BICRA: variants seen among roughly 807,000 people sequenced by gnomAD.
BICRA encodes BRD4 interacting chromatin remodeling complex associated protein.
BICRA carries 31 observed loss-of-function variants against 96.9 expected under a neutral mutation model. That is an observed-to-expected ratio of 0.32 (90% CI 0.24 to 0.43). The LOEUF (loss-of-function observed/expected upper bound fraction) is 0.43, where lower values mean the gene tolerates loss of function less well. BICRA is among the 20% of genes least tolerant of loss of function. BICRA has a pLI of 1.00. For synonymous variants in BICRA, 1,350 were observed against 1,071.8 expected (o/e 1.26, Z -5.07); for missense variants, 2,283 against 2,190.3 (o/e 1.04, Z -0.84).
chr19:47,680,846 T>A lies in BICRA; in HGVS notation c.1676T>A (p.Val559Glu), dbSNP rs1973036906. ...CAGCCTGCGCTCTTCCAGATGCCCG[T>A]GTCGCTGGCGGCGGGCAGCCTGCCC... Reference protein sequence around the residue: ...VGQPALFQMPVSLAAGSLPTQ... With the variant: ...VGQPALFQMPESLAAGSLPTQ... Residue 559 changes from valine to glutamate, a missense_variant, in exon 6 of 15, where the codon GTG becomes GAG. By Grantham distance (121) the Val-to-Glu change is moderately radical. Transcript: ENST00000594866. 2 of 1,585,240 alleles carry A rather than the reference T, an allele frequency of 1.3e-6. No individual in the cohort carries two copies. Among genetic ancestry groups the A allele is most frequent in the Non-Finnish European group, 1.7e-6 (2 of 1,172,256 alleles).
In BICRA at chr19:47,702,443, C is replaced by A. The variant is rs1223279619; in HGVS notation, c.*28C>A. 6.9e-7 allele frequency: 1 copy of A among 1,453,654 alleles called. No individual in the cohort carries two copies. The highest frequency in any genetic ancestry group is 1.4e-5 in the South Asian group (1 of 71,456). The allele number at this position is 1,453,654 out of a possible 1,614,324, so 90.0% of individuals were successfully genotyped here. On this transcript the variant is annotated 3_prime_UTR_variant, in exon 15 of 15. Transcript: ENST00000594866. ...CCGGGCCGCCTCCCCTTCCCCGTCC[C>A]CTCCTCCCGAAGACGCCGGGACAGT...
intron 10 of BICRA, 58 bp from the exon 11 acceptor site, chr19:47,696,393 G>T (rs562948628): frequency 1.3e-5 from 19 of 1,493,292 alleles, no homozygotes; most frequent in Non-Finnish European, 1.7e-5. Flanking sequence ...GGGGAAGCTG[G>T]TCGGGGGAGG....
intron 1 of BICRA, among the ~76,000 whole-genome samples, chr19:47,655,681 C>T (rs987775936): frequency 1.4e-5 from 2 of 147,708 alleles, no homozygotes; most frequent in Non-Finnish European, 3.0e-5. Context: ...GGTGAAACCC[C>T]ATCTCTACTA....
At chr19:47,624,094 G>A (rs1479617609) in intron 1 of BICRA, among the ~76,000 whole-genome samples, 1 of 151,902 alleles carries the variant, frequency 6.6e-6, no homozygotes, top group Non-Finnish European at 1.5e-5. Context: ...CAGATGATCC[G>A]CCCACCTCTG....
intron 1 of BICRA, among the ~76,000 whole-genome samples, chr19:47,658,651 AAAG>A (rs1972657557): frequency 6.8e-6 from 1 of 146,090 alleles, no homozygotes; most frequent in Non-Finnish European, 1.5e-5. Context: ...AAAAAAAAAA[AAAG>A]CAGCAGCAGC....
intron 1 of BICRA, among the ~76,000 whole-genome samples, chr19:47,664,814 G>T (rs1202579465): frequency 6.6e-6 from 1 of 152,234 alleles, no homozygotes; most frequent in African/African-American, 2.4e-5. Context: ...GAACTCAGGG[G>T]AACTATGTGA....
rs1230195898 is a variant in BICRA, at chr19:47,680,326, G to A, written c.1156G>A (p.Ala386Thr). 3 of 1,538,642 alleles carry A rather than the reference G, an allele frequency of 1.9e-6. No homozygotes were observed. The highest frequency in any genetic ancestry group is 1.2e-5 in the South Asian group (1 of 84,098). ...GCTCACCATCCAGGGCGAGCCGGGG[G>A]CGCTCCCGCAGCAGCCCAAGGCCCC... ...ATLTIQGEPG[A>T]LPQQPKAPQN... The change falls in exon 6 of 15, where the codon GCG (alanine) becomes ACG (threonine). Residue 386 changes from alanine to threonine, a missense_variant. Ala to Thr is a moderately conservative substitution (Grantham distance 58). Transcript: ENST00000594866.
chr19:47,667,290 C>G (rs948923694), intron 1 of BICRA, among the ~76,000 whole-genome samples: 1 of 152,232 alleles, frequency 6.6e-6, no homozygotes, highest in African/African-American at 2.4e-5. Flanking sequence ...GCTGGGATTA[C>G]AGGCGTGAGC....
intron 1 of BICRA, among the ~76,000 whole-genome samples, chr19:47,661,161 C>T (rs1224059023): frequency 6.8e-6 from 1 of 147,532 alleles, no homozygotes; most frequent in African/African-American, 2.5e-5. Flanking sequence ...TTGCAGTGAG[C>T]TGAAATCACG....
chr19:47,629,809 C>A (rs1023626677), intron 1 of BICRA, among the ~76,000 whole-genome samples: 4 of 152,138 alleles, frequency 2.6e-5, no homozygotes, highest in Non-Finnish European at 5.9e-5. Flanking sequence ...AGGCACCCAC[C>A]ACCATACCCA....
intron 7 of BICRA, 92 bp downstream of exon 7, chr19:47,682,244 C>T (rs948328759): frequency 9.9e-6 from 6 of 607,522 alleles, no homozygotes; most frequent in Admixed American, 6.0e-5. Context: ...GCCCTGCCTG[C>T]GTCTCTGTTC....
At chr19:47,618,072 T>A (rs1972010999) in intron 1 of BICRA, among the ~76,000 whole-genome samples, 1 of 152,362 alleles carries the variant, frequency 6.6e-6, no homozygotes, top group Admixed American at 6.5e-5. Flanking sequence ...GAATTCCCTG[T>A]CTTGGCCACA....
intron 14 of BICRA, chr19:47,700,597 C>G (rs1005741461): frequency 6.6e-6 from 1 of 152,128 alleles, no homozygotes; most frequent in Admixed American, 6.6e-5. Context: ...AGTGTGAGAC[C>G]AGACTGGGCA....
intron 5 of BICRA, among the ~76,000 whole-genome samples, chr19:47,677,805 C>T (rs1654263222): frequency 6.6e-6 from 1 of 152,248 alleles, no homozygotes. Flanking sequence ...AGAACTACGA[C>T]TGCTTGTCAG....
At chr19:47,636,593 T>C (rs889160842) in intron 1 of BICRA, among the ~76,000 whole-genome samples, 2 of 151,996 alleles carry the variant, frequency 1.3e-5, no homozygotes, top group Admixed American at 1.3e-4. Flanking sequence ...GTGCAACCTC[T>C]GCCTCTCAGG....
chr19:47,638,679 G>A (rs1972337853), intron 1 of BICRA, among the ~76,000 whole-genome samples: 1 of 151,838 alleles, frequency 6.6e-6, no homozygotes, highest in South Asian at 2.1e-4. Context: ...TTTTTGAGAC[G>A]GAGTCTCGCT....
intron 1 of BICRA, chr19:47,626,025 C>T (rs141102162): frequency 6.6e-6 from 1 of 152,112 alleles, no homozygotes; most frequent in Non-Finnish European, 1.5e-5. Flanking sequence ...GCTTAGAGGC[C>T]ACAGACTTTT....
intron 1 of BICRA, chr19:47,663,798 A>G (rs927830511): frequency 3.3e-5 from 5 of 151,114 alleles, no homozygotes; most frequent in South Asian, 2.1e-4. Context: ...CGCAGTACAC[A>G]CACACACACA....
chr19:47,676,103 C>T (rs1227841801), intron 5 of BICRA, among the ~76,000 whole-genome samples, 187 bp downstream of exon 5: 1 of 152,086 alleles, frequency 6.6e-6, no homozygotes, highest in Non-Finnish European at 1.5e-5. Context: ...CTGGGGAACC[C>T]TGTGGGGGGC....
Sources: allele counts gnomAD v4.1 joint callset (sites outside exome capture counted in the v4.1 genomes callset), GRCh38; gene constraint gnomAD v4.1.1; transcripts MANE v1.5; gene names NCBI Gene and HGNC (gene_info 2026-07-23, HGNC 2026-07-21).